Variants in COL4A3 observed in about 807,000 individuals in gnomAD.
COL4A3 encodes the protein collagen alpha-3(IV) chain.
Under a neutral mutation model 217.4 loss-of-function variants are expected in COL4A3, and 135 were observed. The ratio of observed to expected loss-of-function variants is 0.62; its 90% CI spans 0.54 to 0.72. The LOEUF (loss-of-function observed/expected upper bound fraction) is 0.72, where lower values mean the gene tolerates loss of function less well. Ranked by LOEUF, COL4A3 falls within the 30% of genes least tolerant of loss-of-function variation. The probability of loss-of-function intolerance (pLI) is 0.00; values close to 1 mark genes in which losing one functional copy is unlikely to be tolerated. For synonymous variants in COL4A3, 690 were observed against 736.3 expected, an observed-to-expected ratio of 0.94 and a Z score of 1.02; for missense variants, 1,868 against 2,119.9, an observed-to-expected ratio of 0.88 and a Z score of 2.33.
intron 28 of COL4A3, 56 bp from the exon 29 acceptor site, chr2:227,279,737 C>A: frequency 8.0e-7 from 1 of 1,243,112 alleles, no homozygotes; most frequent in East Asian, 2.4e-5. Flanking sequence ...AGTTACTGCT[C>A]AGAATATTTC....
intron 22 of COL4A3, 135 bp downstream of exon 22, chr2:227,266,644 G>C (rs1251412142): frequency 1.3e-6 from 1 of 745,062 alleles, no homozygotes; most frequent in Non-Finnish European, 2.4e-6. Flanking sequence ...TTAGCTAAAA[G>C]TATTCATTTA....
At chr2:227,292,547 AT>A (rs1398487602) in intron 37 of COL4A3, among the ~76,000 whole-genome samples, 1 of 152,224 alleles carries the variant, frequency 6.6e-6, no homozygotes, top group Non-Finnish European at 1.5e-5. Flanking sequence ...GTATATTTTA[AT>A]TGGCTACCAT....
Position 227,309,301 on chromosome 2 carries a change from G to T in COL4A3, c.4738G>T (p.Gly1580Ter), listed in dbSNP as rs2073646633. ...CPHGWISLWK[G>*]FSFIMFTSAG... ...TCACGGCTGGATTTCTCTCTGGAAA[G>T]GATTTTCATTCATCATGGTGAGGAG... The change falls in exon 50 of 52, where the codon GGA (glycine) becomes TGA (stop). Residue 1580 changes from glycine to a stop codon, truncating the protein, a stop_gained. Coordinates refer to ENST00000396578, the MANE Select transcript of COL4A3 (RefSeq NM_000091.5). LOFTEE classifies it high-confidence loss of function. The T allele has an allele frequency of 1.9e-6, 3 of 1,613,860 alleles. No homozygotes were observed. The highest frequency in any genetic ancestry group is 2.5e-6 in the Non-Finnish European group (3 of 1,179,834).
chr2:227,300,964 A>T (rs2073259831), intron 43 of COL4A3, among the ~76,000 whole-genome samples: 1 of 152,138 alleles, frequency 6.6e-6, no homozygotes, highest in African/African-American at 2.4e-5. Flanking sequence ...ACACACACAC[A>T]ACTCTATTAC....
At chr2:227,244,832 A>G (rs919906231) in intron 4 of COL4A3, 119 bp from the exon 5 acceptor site, 7 of 1,034,476 alleles carry the variant, frequency 6.8e-6, no homozygotes, top group Non-Finnish European at 1.1e-5. Flanking sequence ...GTTTCGAGCT[A>G]TTCCCAGTTA....
chr2:227,286,178 C>T (rs937647188), intron 34 of COL4A3, among the ~76,000 whole-genome samples: 38 of 152,174 alleles, frequency 2.5e-4, no homozygotes, highest in Admixed American at 2.4e-3. Context: ...CAACTATTGA[C>T]TCATTTAATC....
intron 20 of COL4A3, 39 bp downstream of exon 20, chr2:227,261,156 T>C (rs745794439): frequency 1.3e-6 from 2 of 1,546,032 alleles, no homozygotes; most frequent in Admixed American, 3.4e-5. Context: ...AGAAATGCTA[T>C]TACAAAGGAA....
rs370942341 is a variant in COL4A3, at chr2:227,253,649, G to A, written c.765+11G>A. 5.8e-5 allele frequency: 93 copies of A among 1,608,158 alleles called. No individual in the cohort carries two copies. Among genetic ancestry groups the A allele is most frequent in the Non-Finnish European group, 7.3e-5 (86 of 1,174,846 alleles). Reference sequence around the variant, plus strand: ...CCAGATAACAGAACGGTAACTCTGCGATTTTATGATTAGTGTTGTGCCTTC... The same window carrying A: ...CCAGATAACAGAACGGTAACTCTGCAATTTTATGATTAGTGTTGTGCCTTC... On this transcript the variant is annotated intron_variant, in intron 13 of 51. Coordinates refer to ENST00000396578, the MANE Select transcript of COL4A3 (RefSeq NM_000091.5). This position sits in a 1 kb window ranked among gnomAD's most constrained non-coding sequence, Gnocchi z 4.4.
At chr2:227,227,318 C>T (rs1574623946) in intron 1 of COL4A3, among the ~76,000 whole-genome samples, 1 of 152,160 alleles carries the variant, frequency 6.6e-6, no homozygotes, top group African/African-American at 2.4e-5. Flanking sequence ...AAATACAGGC[C>T]GGGCACGCTG....
intron 1 of COL4A3, among the ~76,000 whole-genome samples, chr2:227,183,958 T>G (rs1371011248): frequency 6.6e-6 from 1 of 152,184 alleles, no homozygotes; most frequent in African/African-American, 2.4e-5. Flanking sequence ...GGGGCTGTTT[T>G]TTTCTGAGTT....
intron 41 of COL4A3, 141 bp downstream of exon 41, chr2:227,295,457 C>G (rs764824010): frequency 8.3e-5 from 63 of 755,762 alleles, no homozygotes; most frequent in Non-Finnish European, 1.4e-4. Context: ...TCATCTTGGT[C>G]TTCAATTTAA....
chr2:227,234,443 A>G (rs1192858813), intron 1 of COL4A3, among the ~76,000 whole-genome samples: 1 of 152,274 alleles, frequency 6.6e-6, no homozygotes, highest in South Asian at 2.1e-4. Context: ...ATAGTTGTTC[A>G]TAATTCATAC....
chr2:227,261,070 A>G lies in COL4A3; in HGVS notation c.1115-12A>G, dbSNP rs761088575. ...TCTTTCTAAGCAATTAATTAATGTT[A>G]TATATTCCCAGGTCCCAGTGGTCCC... On this transcript the variant is annotated splice_polypyrimidine_tract_variant and intron_variant, in intron 19 of 51. Transcript: ENST00000396578. 15 of 1,607,462 alleles carry G rather than the reference A, an allele frequency of 9.3e-6. No individual in the cohort carries two copies. The Admixed American group carries it at 1.7e-4, about 18-fold the overall frequency.
At position 227,279,256 on chromosome 2, in the gene COL4A3, G is replaced by A. The variant is rs536254286; in HGVS notation, c.2126-537G>A. On this transcript the variant is annotated intron_variant, in intron 28 of 51. Coordinates refer to ENST00000396578, the MANE Select transcript of COL4A3 (RefSeq NM_000091.5). ...ACCATGCCTGGCTAGTTTTTTTGTT[G>A]TTGTTTTTTTTGTTGTTGTTGTTTT... is the stretch of plus-strand genomic sequence containing the variant. 8.0e-4 allele frequency among the ~76,000 whole-genome samples: 121 copies of A among 151,310 alleles called. 1 individual carries two copies. Among genetic ancestry groups the A allele is most frequent in the Admixed American group, 2.8e-3 (42 of 15,172 alleles).
chr2:227,172,581 C>CTTTTT (rs11315628), intron 1 of COL4A3, among the ~76,000 whole-genome samples: 100 of 73,458 alleles, frequency 1.4e-3, no homozygotes, highest in African/African-American at 1.7e-3. Flanking sequence ...TCGTCTTCTT[C>CTTTTT]TTTTTTTTTT....
chr2:227,209,807 G>A (rs1183748416), intron 1 of COL4A3, among the ~76,000 whole-genome samples: 3 of 151,928 alleles, frequency 2.0e-5, no homozygotes, highest in Non-Finnish European at 2.9e-5. Context: ...GTGCCATTGC[G>A]CTCCAGCCTG....
chr2:227,239,961 G>A (rs908884951), intron 2 of COL4A3, among the ~76,000 whole-genome samples, 182 bp from the exon 3 acceptor site: 3 of 152,224 alleles, frequency 2.0e-5, no homozygotes, highest in East Asian at 3.9e-4. Context: ...CTAACAACTG[G>A]TAGCTTTCTG....
At position 227,308,904 on chromosome 2, in the gene COL4A3, C is replaced by G; in HGVS notation, c.4468C>G (p.Leu1490Val). ...QRAHGQDLGT[L>V]GSCLQRFTTM... ...TCAGTCTGATGTTTCATTAGGAACTCTTGGCAGCTGCCTGCAGCGATTTAC... is the reference window on the plus strand; with the variant it reads ...TCAGTCTGATGTTTCATTAGGAACTGTTGGCAGCTGCCTGCAGCGATTTAC... Residue 1490 changes from leucine to valine, a missense_variant, in exon 49 of 52, where the codon CTT becomes GTT. Leu to Val is a conservative substitution (Grantham distance 32). Transcript: ENST00000396578. The G allele has an allele frequency of 6.2e-7, 1 of 1,613,930 alleles. No individual in the cohort carries two copies. Among genetic ancestry groups the G allele is most frequent in the Non-Finnish European group, 8.5e-7 (1 of 1,180,010 alleles).
intron 1 of COL4A3, among the ~76,000 whole-genome samples, chr2:227,234,192 GAGA>G: frequency 6.6e-6 from 1 of 152,216 alleles, no homozygotes; most frequent in South Asian, 2.1e-4. Context: ...GAGAGAAAGA[GAGA>G]AGGAGAGACA....
Sources: allele counts gnomAD v4.1 joint callset (sites outside exome capture counted in the v4.1 genomes callset), GRCh38; gene constraint gnomAD v4.1.1; non-coding constraint Gnocchi (gnomAD v3.1); transcripts MANE v1.5; gene names NCBI Gene and HGNC (gene_info 2026-07-23, HGNC 2026-07-21).